SAMTOR: variants seen among roughly 807,000 people sequenced by gnomAD.
The protein encoded by SAMTOR is S-adenosylmethionine sensor upstream of mTORC1, also known as UPF0532 protein C7orf60.
the SAMTOR span, among the ~76,000 whole-genome samples, chr7:112,934,152 C>G: frequency 6.6e-6 from 1 of 152,174 alleles, no homozygotes; most frequent in Non-Finnish European, 1.5e-5. Flanking sequence ...GCACAGCAGA[C>G]ACCCGATCCC....
the SAMTOR span, among the ~76,000 whole-genome samples, chr7:112,901,139 T>C: frequency 2.0e-5 from 3 of 152,202 alleles, no homozygotes; most frequent in Admixed American, 6.5e-5. Flanking sequence ...AAATCATACA[T>C]ATCAGGGGTC....
chr7:112,866,938 T>C, the SAMTOR span, among the ~76,000 whole-genome samples: 9 of 152,270 alleles, frequency 5.9e-5, no homozygotes, highest in Admixed American at 1.3e-4. Context: ...AAGAATGCGA[T>C]TGTAAACAAA....
At chr7:112,933,582 C>T in the SAMTOR span, among the ~76,000 whole-genome samples, 7 of 152,226 alleles carry the variant, frequency 4.6e-5, no homozygotes, top group East Asian at 1.2e-3. Flanking sequence ...ATTTCATAGG[C>T]ACATATGAGG....
At chr7:112,931,146 G>A in the SAMTOR span, among the ~76,000 whole-genome samples, 1 of 152,192 alleles carries the variant, frequency 6.6e-6, no homozygotes, top group Non-Finnish European at 1.5e-5. Context: ...CTGGTCTGGA[G>A]TGGCAACTGG....
chr7:112,869,182 C>G, the SAMTOR span, among the ~76,000 whole-genome samples: 3 of 152,148 alleles, frequency 2.0e-5, no homozygotes, highest in Non-Finnish European at 4.4e-5. Context: ...TCGCCCCCAG[C>G]CCCGCTCATT....
the SAMTOR span, among the ~76,000 whole-genome samples, chr7:112,876,889 T>C: frequency 6.6e-6 from 1 of 152,182 alleles, no homozygotes; most frequent in Non-Finnish European, 1.5e-5. Flanking sequence ...AAGCCCTCAT[T>C]CCTTTGCGAG....
At chr7:112,912,787 CAT>C in the SAMTOR span, among the ~76,000 whole-genome samples, 4 of 151,764 alleles carry the variant, frequency 2.6e-5, no homozygotes, top group African/African-American at 7.3e-5. Context: ...AAAATGACCT[CAT>C]GTGATAATAT....
chr7:112,915,515 G>C, the SAMTOR span: 1 of 1,265,692 alleles, frequency 7.9e-7, no homozygotes, highest in Non-Finnish European at 1.0e-6. Context: ...ATAAGTTTTA[G>C]CACAATCTGA....
At chr7:112,923,959 C>G in the SAMTOR span, among the ~76,000 whole-genome samples, 2 of 151,076 alleles carry the variant, frequency 1.3e-5, no homozygotes, top group Admixed American at 1.3e-4. Flanking sequence ...AACCAAACAC[C>G]GCATATTCTC....
the SAMTOR span, among the ~76,000 whole-genome samples, chr7:112,906,197 G>C: frequency 8.5e-5 from 13 of 152,288 alleles, no homozygotes; most frequent in Admixed American, 7.8e-4. Flanking sequence ...CTTAAATCTA[G>C]ATGGTATAGC....
At chr7:112,842,159 CT>C in the SAMTOR span, among the ~76,000 whole-genome samples, 11 of 151,994 alleles carry the variant, frequency 7.2e-5, no homozygotes, top group South Asian at 2.1e-3. Flanking sequence ...AGTCTCTTTG[CT>C]GTGTCAAGCT....
At chr7:112,819,453 T>C in the SAMTOR span, 1 of 152,194 alleles carries the variant, frequency 6.6e-6, no homozygotes, top group East Asian at 1.9e-4. Context: ...TAACTTCCAC[T>C]TGTTATTACA....
chr7:112,916,600 T>C, the SAMTOR span, among the ~76,000 whole-genome samples: 2 of 152,068 alleles, frequency 1.3e-5, no homozygotes, highest in South Asian at 4.2e-4. Context: ...TGCAGGACGG[T>C]GGGTGCAGTG....
chr7:112,917,849 T>C, the SAMTOR span, among the ~76,000 whole-genome samples: 2 of 151,758 alleles, frequency 1.3e-5, no homozygotes, highest in East Asian at 1.9e-4. Context: ...AGGGTATCAG[T>C]GATGGAAGAT....
chr7:112,911,303 TACTC>T, the SAMTOR span, among the ~76,000 whole-genome samples: 2 of 152,104 alleles, frequency 1.3e-5, no homozygotes, highest in African/African-American at 2.4e-5. Context: ...GCACCTGTAA[TACTC>T]ACAGAACAGG....
the SAMTOR span, among the ~76,000 whole-genome samples, chr7:112,855,861 G>A: frequency 4.6e-4 from 70 of 152,048 alleles, no homozygotes; most frequent in African/African-American, 1.6e-3. Context: ...TTTTGGAAGC[G>A]GGGGCATCTT....
At chr7:112,838,337 ATGT>A in the SAMTOR span, among the ~76,000 whole-genome samples, 12 of 151,958 alleles carry the variant, frequency 7.9e-5, no homozygotes, top group African/African-American at 2.9e-4. Context: ...TTTGTTAATC[ATGT>A]TGTTCAAATA....
At chr7:112,850,416 G>A in the SAMTOR span, among the ~76,000 whole-genome samples, 1 of 152,156 alleles carries the variant, frequency 6.6e-6, no homozygotes, top group Non-Finnish European at 1.5e-5. Flanking sequence ...TGGCTTCACA[G>A]AAATTAGTTA....
chr7:112,912,895 A>G, the SAMTOR span, among the ~76,000 whole-genome samples: 1 of 152,172 alleles, frequency 6.6e-6, no homozygotes, highest in Non-Finnish European at 1.5e-5. Context: ...AATTGCTCCA[A>G]TAAGAATACT....
Sources: allele counts gnomAD v4.1 joint callset (sites outside exome capture counted in the v4.1 genomes callset), GRCh38; gene constraint gnomAD v4.1.1; transcripts MANE v1.5; gene names NCBI Gene and HGNC (gene_info 2026-07-23, HGNC 2026-07-21).